Variants in PNPLA8 observed in about 807,000 individuals in gnomAD.
The protein encoded by PNPLA8 is patatin like domain 8, phospholipase A2, also known as calcium-independent phospholipase A2-gamma.
Under a neutral mutation model 76.9 loss-of-function variants are expected in PNPLA8, and 39 were observed. The observed-to-expected ratio is 0.51, with a 90% CI of 0.39 to 0.66. PNPLA8 has a LOEUF of 0.66. Among genes scored for constraint, PNPLA8 ranks in the 30% least tolerant of loss-of-function variants. PNPLA8 has a pLI of 0.00. For synonymous variants in PNPLA8, 301 were observed against 307.9 expected, an observed-to-expected ratio of 0.98 and a Z score of 0.24; for missense variants, 887 against 918.0, an observed-to-expected ratio of 0.97 and a Z score of 0.44.
At position 108,476,275 on chromosome 7, in the gene PNPLA8, T is replaced by C. The variant is rs144689911; in HGVS notation, c.2074+2909A>G. On this transcript the variant is annotated intron_variant, in intron 10 of 10. Transcript: ENST00000257694. ...GCAGGTACACTGAGGCAACATTTCA[T>C]GTTTCTTGAAAATTCCAAATAAGCC... Among the ~76,000 whole-genome samples the C allele has an allele frequency of 5.1e-3, 772 of 152,344 alleles. 19 individuals carry two copies. Among genetic ancestry groups the C allele is most frequent in the East Asian group, 0.041 (215 of 5,194 alleles).
intron 8 of PNPLA8, 34 bp from the exon 9 acceptor site, chr7:108,487,987 A>AAC: frequency 7.7e-7 from 1 of 1,306,796 alleles, no homozygotes; most frequent in Non-Finnish European, 1.1e-6. Flanking sequence ...TTCCATCATT[A>AAC]ACAGTAATAT....
At chr7:108,499,691 C>T (rs1183064529) in intron 5 of PNPLA8, among the ~76,000 whole-genome samples, 1 of 152,172 alleles carries the variant, frequency 6.6e-6, no homozygotes, top group African/African-American at 2.4e-5. Flanking sequence ...TGCCAAATGT[C>T]CTTTAGGGAG....
At chr7:108,494,355 C>T (rs1861409571) in intron 7 of PNPLA8, among the ~76,000 whole-genome samples, 1 of 152,196 alleles carries the variant, frequency 6.6e-6, no homozygotes, top group African/African-American at 2.4e-5. Context: ...CCTCAGCTCA[C>T]ACTCCCACTC....
rs1209584438 is a variant in PNPLA8, at chr7:108,502,749, CAG to C, written c.1207-109_1207-108del. ...GTTCACCACATGACAACCAAGGTGA[CAG>C]TGTTCATTACTTTCTCAGTAATCTT... On this transcript the variant is annotated intron_variant, in intron 4 of 10. Coordinates refer to ENST00000257694, the MANE Select transcript of PNPLA8 (RefSeq NM_001256007.3). 3 of 684,148 alleles carry C rather than the reference CAG, an allele frequency of 4.4e-6. No individual in the cohort carries two copies. In the African/African-American group the frequency reaches 5.5e-5, roughly 13 times the overall value. 42.4% of individuals were successfully genotyped at this position (684,148 alleles called of 1,614,324 possible).
chr7:108,487,795 G>A lies in PNPLA8; in HGVS notation c.1842C>T (p.Tyr614=). 1 of 1,612,200 alleles carries A rather than the reference G, an allele frequency of 6.2e-7. No individual in the cohort carries two copies. The highest frequency in any genetic ancestry group is 8.5e-7 in the Non-Finnish European group (1 of 1,179,142). Residue 614 remains tyrosine (Y), a synonymous_variant, in exon 9 of 11, where the codon TAC becomes TAT. Transcript: ENST00000257694. ...AIRASSAAPG[Y]FAEYALGNDL... ...CATTTCCCAATGCATATTCTGCAAA[G>A]TAGCCTGGAGCAGCAGATGAGGCTC...
rs2154517395 is a variant in PNPLA8 at position 108,526,086 on chromosome 7, G to A, written c.-187C>T. On this transcript the variant is annotated 5_prime_UTR_variant, in exon 1 of 11. Transcript: ENST00000257694. ...CGGCGACTCGCTCGTTCCCGGCAAT[G>A]ACGTCCACTCCAACCGGCCTGCATC... The A allele has an allele frequency of 1.0e-6, 1 of 985,716 alleles. No homozygotes were observed. Among genetic ancestry groups the A allele is most frequent in the Non-Finnish European group, 1.2e-6 (1 of 830,062 alleles). The allele number at this position is 985,716 out of a possible 1,614,324, so 61.1% of individuals were successfully genotyped here. A position where few individuals can be genotyped will look rare whatever the true frequency, so the allele number is the denominator to read the frequency against.
chr7:108,519,799 T>C (rs1426045976), intron 2 of PNPLA8, among the ~76,000 whole-genome samples: 1 of 150,928 alleles, frequency 6.6e-6, no homozygotes, highest in African/African-American at 2.4e-5. Flanking sequence ...GAACAATTGT[T>C]TTCCCTTCTC....
intron 1 of PNPLA8, among the ~76,000 whole-genome samples, chr7:108,524,003 G>A (rs1233574058): frequency 6.6e-6 from 1 of 152,134 alleles, no homozygotes; most frequent in Admixed American, 6.5e-5. Flanking sequence ...ACTGTGAAGG[G>A]GACAATTTAA....
chr7:108,501,386 A>C (rs910981725), intron 5 of PNPLA8, among the ~76,000 whole-genome samples: 1 of 152,248 alleles, frequency 6.6e-6, no homozygotes, highest in African/African-American at 2.4e-5. Context: ...CTTCTGAACA[A>C]AGAAAGAATT....
chr7:108,509,208 G>C (rs1361116516), intron 4 of PNPLA8, among the ~76,000 whole-genome samples: 1 of 84,624 alleles, frequency 1.2e-5, no homozygotes, highest in Non-Finnish European at 2.4e-5. Context: ...CTTCTGCACA[G>C]CAAAAGAAAC....
chr7:108,473,669 A>T (rs550259272), intron 10 of PNPLA8, among the ~76,000 whole-genome samples: 6 of 152,252 alleles, frequency 3.9e-5, no homozygotes, highest in Admixed American at 3.9e-4. Context: ...TCATGTACTT[A>T]TTAGTCATTT....
chr7:108,477,629 G>A (rs538309348), intron 10 of PNPLA8, among the ~76,000 whole-genome samples: 1 of 152,166 alleles, frequency 6.6e-6, no homozygotes, highest in Admixed American at 6.5e-5. Context: ...GGAGGCCAAG[G>A]CAGGAGGATC....
At chr7:108,504,507 A>G (rs185960215) in intron 4 of PNPLA8, among the ~76,000 whole-genome samples, 81 of 152,350 alleles carry the variant, frequency 5.3e-4, no homozygotes, top group Non-Finnish European at 9.8e-4. Flanking sequence ...AAAATATGCC[A>G]TATGTCATGG....
intron 9 of PNPLA8, chr7:108,480,673 C>A: frequency 2.6e-6 from 1 of 386,796 alleles, no homozygotes; most frequent in Non-Finnish European, 5.4e-6. Context: ...TGACAGAATA[C>A]TTAAACATTT....
Position 108,515,540 on chromosome 7 carries a change from C to T in PNPLA8, c.-49G>A, listed in dbSNP as rs1357421357. 2 of 1,312,332 alleles carry T rather than the reference C, an allele frequency of 1.5e-6. No individual in the cohort carries two copies. Among genetic ancestry groups the T allele is most frequent in the African/African-American group, 1.5e-5 (1 of 66,912 alleles). 81.3% of individuals were successfully genotyped at this position (1,312,332 alleles called of 1,614,324 possible). Reference sequence around the variant, plus strand: ...ATGACATTCTCTCACTTCTTGAACGCTTCATTTAAGAAATGCCATAATTCA... The same window carrying T: ...ATGACATTCTCTCACTTCTTGAACGTTTCATTTAAGAAATGCCATAATTCA... On this transcript the variant is annotated 5_prime_UTR_variant, in exon 3 of 11. Transcript: ENST00000257694.
At chr7:108,501,738 C>T (rs768999073) in intron 5 of PNPLA8, among the ~76,000 whole-genome samples, 7 of 152,086 alleles carry the variant, frequency 4.6e-5, no homozygotes, top group Non-Finnish European at 8.8e-5. Context: ...ACAGGAGAAT[C>T]GCTTGAACTT....
At chr7:108,523,359 A>ATGACCTACGTG (rs1315534597) in intron 1 of PNPLA8, among the ~76,000 whole-genome samples, 4 of 151,646 alleles carry the variant, frequency 2.6e-5, no homozygotes, top group African/African-American at 9.8e-5. Context: ...CCAGAGGGAA[A>ATGACCTACGTG]GCTCCTTATC....
Position 108,515,405 on chromosome 7 carries a change from C to T in PNPLA8, c.87G>A (p.Leu29=), listed in dbSNP as rs112125737. 4.7e-4 allele frequency: 751 copies of T among 1,611,556 alleles called. 3 individuals carry two copies. In the African/African-American group the frequency reaches 7.2e-3, roughly 15 times the overall value. The change falls in exon 3 of 11, where the codon CTG becomes CTA. Residue 29 remains leucine (L), a synonymous_variant. Transcript: ENST00000257694. ...AATGCTTAGGTGAGAACAAGAAATA[C>T]AGTTGCTTGCTTCTCTGCTTCCCAC... ...SVCGKQRSKQ[L]YFLFSPKHYW... is the part of the protein sequence containing the mutation.
chr7:108,483,883 T>C (rs1860567748), intron 9 of PNPLA8, among the ~76,000 whole-genome samples: 1 of 152,214 alleles, frequency 6.6e-6, no homozygotes, highest in Non-Finnish European at 1.5e-5. Flanking sequence ...GAATGATACT[T>C]ATCCCACAAC....
Sources: allele counts gnomAD v4.1 joint callset (sites outside exome capture counted in the v4.1 genomes callset), GRCh38; gene constraint gnomAD v4.1.1; transcripts MANE v1.5; gene names NCBI Gene and HGNC (gene_info 2026-07-23, HGNC 2026-07-21).